Variants in PPP1R9A observed in about 807,000 individuals in gnomAD.
PPP1R9A encodes neurabin-1.
Under a neutral mutation model 141.9 loss-of-function variants are expected in PPP1R9A, and 59 were observed. The observed-to-expected ratio is 0.42, with a 90% CI of 0.34 to 0.52. PPP1R9A has a LOEUF of 0.52. Among genes scored for constraint, PPP1R9A ranks in the 20% least tolerant of loss-of-function variants. The pLI is 0.10. For synonymous variants in PPP1R9A, 500 were observed against 569.7 expected (o/e 0.88, Z 1.74); for missense variants, 1,444 against 1,611.9 (o/e 0.90, Z 1.78).
chr7:95,190,921 TC>T (rs1422058805), intron 5 of PPP1R9A, among the ~76,000 whole-genome samples: 2 of 152,166 alleles, frequency 1.3e-5, no homozygotes, highest in South Asian at 4.1e-4. Context: ...GAAACTTAAT[TC>T]CACATTGAGA....
chr7:95,221,275 G>A (rs1207021720), intron 7 of PPP1R9A, among the ~76,000 whole-genome samples: 3 of 152,084 alleles, frequency 2.0e-5, no homozygotes, highest in African/African-American at 7.2e-5. Flanking sequence ...CTAAGGAACT[G>A]TTTTGTCCTT....
At chr7:95,182,717 A>G (rs1348974218) in intron 5 of PPP1R9A, among the ~76,000 whole-genome samples, 3 of 152,224 alleles carry the variant, frequency 2.0e-5, no homozygotes, top group Non-Finnish European at 4.4e-5. Context: ...GCTTGCCCTA[A>G]GATGAGAGAA....
chr7:95,199,002 T>C (rs1451477586), intron 6 of PPP1R9A, among the ~76,000 whole-genome samples: 1 of 152,188 alleles, frequency 6.6e-6, no homozygotes, highest in Non-Finnish European at 1.5e-5. Context: ...TACTATGATT[T>C]GTGCTAACAT....
intron 5 of PPP1R9A, among the ~76,000 whole-genome samples, chr7:95,185,131 A>G (rs1326797705): frequency 6.6e-6 from 1 of 151,320 alleles, no homozygotes; most frequent in African/African-American, 2.4e-5. Flanking sequence ...TTGTGGTTAT[A>G]CTAGATTACA....
intron 5 of PPP1R9A, among the ~76,000 whole-genome samples, chr7:95,178,283 C>A (rs984448970): frequency 6.6e-6 from 1 of 152,070 alleles, no homozygotes; most frequent in Non-Finnish European, 1.5e-5. Flanking sequence ...CCTGAATGAT[C>A]ATTGGGTCAA....
intron 2 of PPP1R9A, among the ~76,000 whole-genome samples, chr7:95,051,827 T>A (rs937395307): frequency 2.2e-4 from 32 of 145,692 alleles, no homozygotes; most frequent in African/African-American, 6.0e-4. Flanking sequence ...TGCATTAAAA[T>A]TTTTTTTTTA....
chr7:95,219,605 A>G (rs1324627253), intron 7 of PPP1R9A, among the ~76,000 whole-genome samples: 1 of 152,000 alleles, frequency 6.6e-6, no homozygotes, highest in Non-Finnish European at 1.5e-5. Context: ...TTCAGATAAA[A>G]TCAGGAAATA....
intron 2 of PPP1R9A, chr7:95,036,963 T>C (rs1808505102): frequency 6.6e-6 from 1 of 152,240 alleles, no homozygotes; most frequent in Non-Finnish European, 1.5e-5. Context: ...GAAAACATGC[T>C]GCTGTCGTTC....
At chr7:94,958,862 T>A (rs1402025366) in intron 2 of PPP1R9A, among the ~76,000 whole-genome samples, 2 of 152,020 alleles carry the variant, frequency 1.3e-5, no homozygotes, top group Admixed American at 1.3e-4. Context: ...CCCTAAGAGC[T>A]TTTATGATAA....
chr7:95,024,492 G>T (rs1167070602), intron 2 of PPP1R9A, among the ~76,000 whole-genome samples: 1 of 152,050 alleles, frequency 6.6e-6, no homozygotes, highest in Non-Finnish European at 1.5e-5. Context: ...AGGATAATTA[G>T]GTCTTCTTGT....
At chr7:95,241,025 C>T (rs1164001595) in intron 8 of PPP1R9A, among the ~76,000 whole-genome samples, 1 of 152,042 alleles carries the variant, frequency 6.6e-6, no homozygotes, top group Non-Finnish European at 1.5e-5. Context: ...ATTTAGGTGC[C>T]TCGTGTCCAG....
At chr7:94,978,838 G>A (rs537697811) in intron 2 of PPP1R9A, among the ~76,000 whole-genome samples, 6 of 152,164 alleles carry the variant, frequency 3.9e-5, no homozygotes, top group African/African-American at 1.4e-4. Context: ...GCTCTGTTGC[G>A]CAGGCTGGAG....
At chr7:94,970,009 G>A (rs140715797) in intron 2 of PPP1R9A, among the ~76,000 whole-genome samples, 9 of 152,264 alleles carry the variant, frequency 5.9e-5, no homozygotes, top group Admixed American at 2.6e-4. Context: ...CACCAAGCTG[G>A]GGTGTCCCAG....
Position 95,120,692 on chromosome 7 carries a change from C to G in PPP1R9A, c.1529-20C>G, listed in dbSNP as rs752845139. Reference sequence around the variant, plus strand: ...AAAACTTAAGTTGTTTCACCTCCCCCCTTTTTTTCTTTTTAATAGATGAGG... The same window carrying G: ...AAAACTTAAGTTGTTTCACCTCCCCGCTTTTTTTCTTTTTAATAGATGAGG... On this transcript the variant is annotated intron_variant, in intron 3 of 19. Coordinates refer to ENST00000433360, the MANE Select transcript of PPP1R9A (RefSeq NM_001166160.2). The G allele has an allele frequency of 7.5e-6, 12 of 1,606,582 alleles. No individual in the cohort carries two copies. In the South Asian group the frequency reaches 1.2e-4, roughly 17 times the overall value.
At chr7:94,954,180 G>T (rs1796813166) in intron 2 of PPP1R9A, among the ~76,000 whole-genome samples, 2 of 151,754 alleles carry the variant, frequency 1.3e-5, no homozygotes, top group South Asian at 4.1e-4. Context: ...TCTAACAGAA[G>T]ATTTTAAGAC....
chr7:95,224,931 A>G (rs2152951529), intron 7 of PPP1R9A, among the ~76,000 whole-genome samples: 1 of 150,246 alleles, frequency 6.7e-6, no homozygotes, highest in Non-Finnish European at 1.5e-5. Context: ...AGTTCAATGA[A>G]CTTTGTTTTT....
chr7:95,106,199 C>T (rs1164615769), intron 2 of PPP1R9A, among the ~76,000 whole-genome samples: 2 of 152,100 alleles, frequency 1.3e-5, no homozygotes, highest in African/African-American at 2.4e-5. Context: ...TTTCCTCTCC[C>T]CTCATTGAAC....
At chr7:95,196,795 TG>T (rs1836348253) in intron 5 of PPP1R9A, among the ~76,000 whole-genome samples, 1 of 152,140 alleles carries the variant, frequency 6.6e-6, no homozygotes, top group Non-Finnish European at 1.5e-5. Flanking sequence ...GGAAATAGTT[TG>T]GGTTGATGGA....
At chr7:95,208,955 CTAAAAAA>C (rs1791461781) in intron 7 of PPP1R9A, among the ~76,000 whole-genome samples, 1 of 17,078 alleles carries the variant, frequency 5.9e-5, no homozygotes, top group South Asian at 2.2e-3. Flanking sequence ...TATAGCAAAA[CTAAAAAA>C]AAAAAAAAAA....
Sources: allele counts gnomAD v4.1 joint callset (sites outside exome capture counted in the v4.1 genomes callset), GRCh38; gene constraint gnomAD v4.1.1; transcripts MANE v1.5; gene names NCBI Gene and HGNC (gene_info 2026-07-23, HGNC 2026-07-21).